The following FHOD3 variants were observed in gnomAD, a reference collection of about 807,000 sequenced individuals.
FHOD3 encodes formin homology 2 domain containing 3, also known as FH1/FH2 domain-containing protein 3.
In FHOD3, 90 loss-of-function variants were observed where a neutral mutation model predicts 173.0. The ratio of observed to expected loss-of-function variants is 0.52; its 90% CI spans 0.44 to 0.62. The LOEUF is 0.62. Ranked by LOEUF, FHOD3 falls within the 20% of genes least tolerant of loss-of-function variation. FHOD3 has a pLI of 0.00. For synonymous variants in FHOD3, 828 were observed against 823.0 expected (o/e 1.01, Z -0.10); for missense variants, 1,945 against 2,034.7 (o/e 0.96, Z 0.85).
At chr18:36,717,273 A>G (rs1181981677) in intron 18 of FHOD3, among the ~76,000 whole-genome samples, 1 of 152,070 alleles carries the variant, frequency 6.6e-6, no homozygotes, top group Admixed American at 6.6e-5. Context: ...CTTGGAGAGG[A>G]GTGGGTGAGA....
intron 10 of FHOD3, among the ~76,000 whole-genome samples, chr18:36,631,331 A>G (rs2034496868): frequency 2.0e-5 from 3 of 152,206 alleles, no homozygotes; most frequent in African/African-American, 7.2e-5. Flanking sequence ...TTCAGAACCC[A>G]GCTCTCCCAA....
At chr18:36,494,066 G>C (rs1214118685) in intron 3 of FHOD3, among the ~76,000 whole-genome samples, 1 of 152,138 alleles carries the variant, frequency 6.6e-6, no homozygotes, top group Admixed American at 6.5e-5. Context: ...TTCTTTCACT[G>C]ATGTAAATTG....
intron 3 of FHOD3, among the ~76,000 whole-genome samples, chr18:36,468,623 G>T (rs2053093918): frequency 6.6e-6 from 1 of 152,170 alleles, no homozygotes; most frequent in Non-Finnish European, 1.5e-5. Flanking sequence ...AGTGATCCTG[G>T]CTTTTACCTC....
intron 1 of FHOD3, among the ~76,000 whole-genome samples, chr18:36,308,808 A>T (rs917509416): frequency 3.9e-5 from 6 of 152,186 alleles, no homozygotes; most frequent in African/African-American, 1.4e-4. Flanking sequence ...AAATGGAAAA[A>T]GTGCAACATA....
intron 27 of FHOD3, among the ~76,000 whole-genome samples, chr18:36,763,366 A>G (rs1025646597): frequency 1.4e-5 from 2 of 143,538 alleles, no homozygotes; most frequent in Non-Finnish European, 3.0e-5. Flanking sequence ...CGTTATATAC[A>G]ATATGCGTAT....
At chr18:36,518,998 A>G (rs1317735086) in intron 5 of FHOD3, among the ~76,000 whole-genome samples, 1 of 152,164 alleles carries the variant, frequency 6.6e-6, no homozygotes, top group East Asian at 1.9e-4. Flanking sequence ...TGGGAGGGGA[A>G]GGGAGGCCAA....
chr18:36,583,687 C>T (rs1050981836), intron 6 of FHOD3, among the ~76,000 whole-genome samples: 3 of 152,204 alleles, frequency 2.0e-5, no homozygotes, highest in Admixed American at 6.5e-5. Context: ...GGAGAGCAGC[C>T]TACTGGTGGC....
At chr18:36,692,649 T>C (rs2039033186) in intron 16 of FHOD3, among the ~76,000 whole-genome samples, 1 of 152,222 alleles carries the variant, frequency 6.6e-6, no homozygotes, top group South Asian at 2.1e-4. Flanking sequence ...AGAAATATTT[T>C]AGAATATAAA....
chr18:36,462,510 T>C (rs1222679504), intron 3 of FHOD3, among the ~76,000 whole-genome samples: 1 of 152,122 alleles, frequency 6.6e-6, no homozygotes. Flanking sequence ...TTTTTGTGTT[T>C]TTAGTAGAGA....
At chr18:36,653,844 C>A (rs940996539) in intron 13 of FHOD3, among the ~76,000 whole-genome samples, 2 of 152,136 alleles carry the variant, frequency 1.3e-5, no homozygotes, top group East Asian at 3.9e-4. Flanking sequence ...GTTTTTGAGC[C>A]ACATCCTGTA....
intron 27 of FHOD3, among the ~76,000 whole-genome samples, chr18:36,761,869 G>T (rs924621534): frequency 1.3e-5 from 2 of 152,172 alleles, no homozygotes; most frequent in Non-Finnish European, 1.5e-5. Context: ...GAGTGTGAAA[G>T]GGGGTGCTAG....
chr18:36,657,526 C>T (rs1169505981), intron 13 of FHOD3, among the ~76,000 whole-genome samples: 1 of 152,212 alleles, frequency 6.6e-6, no homozygotes, highest in African/African-American at 2.4e-5. Context: ...ATACATGCAC[C>T]TCTAAGGAGC....
intron 26 of FHOD3, among the ~76,000 whole-genome samples, chr18:36,760,151 C>T (rs963618595): frequency 4.6e-5 from 7 of 152,184 alleles, no homozygotes; most frequent in African/African-American, 1.7e-4. Context: ...TGTAATTCTA[C>T]CATCGTAAGT....
At chr18:36,764,137 G>A (rs1306304350) in intron 27 of FHOD3, among the ~76,000 whole-genome samples, 1 of 152,148 alleles carries the variant, frequency 6.6e-6, no homozygotes, top group Non-Finnish European at 1.5e-5. Flanking sequence ...CTTGACCAGT[G>A]CTGTCTGTAA....
chr18:36,693,805 C>T (rs1429259503), intron 17 of FHOD3, among the ~76,000 whole-genome samples: 3 of 152,098 alleles, frequency 2.0e-5, no homozygotes, highest in Non-Finnish European at 4.4e-5. Flanking sequence ...AACTGTTAGT[C>T]TGGTTTAAAT....
intron 3 of FHOD3, among the ~76,000 whole-genome samples, chr18:36,484,072 C>T (rs2054068469): frequency 6.6e-6 from 1 of 152,190 alleles, no homozygotes. Flanking sequence ...GATTGCTGTG[C>T]ACATTCAAGT....
At chr18:36,670,737 A>G (rs1009892162) in intron 14 of FHOD3, among the ~76,000 whole-genome samples, 1 of 151,646 alleles carries the variant, frequency 6.6e-6, no homozygotes, top group Non-Finnish European at 1.5e-5. Context: ...GTCATTTCTT[A>G]TTGGATGTCA....
At chr18:36,558,945 T>G (rs533957778) in intron 5 of FHOD3, among the ~76,000 whole-genome samples, 1 of 152,206 alleles carries the variant, frequency 6.6e-6, no homozygotes, top group South Asian at 2.1e-4. Flanking sequence ...TTCAGACCCC[T>G]GTGCTCTGCT....
intron 20 of FHOD3, among the ~76,000 whole-genome samples, chr18:36,734,036 G>A (rs1234253073): frequency 6.6e-6 from 1 of 152,136 alleles, no homozygotes; most frequent in African/African-American, 2.4e-5. Context: ...TCTGAAAGGG[G>A]AGGGAGAGAC....
Sources: gnomAD v4.1 joint callset for allele counts (sites outside exome capture counted in the v4.1 genomes callset) on GRCh38, gnomAD v4.1.1 for gene constraint, MANE v1.5 for transcripts, NCBI Gene and HGNC (gene_info 2026-07-23, HGNC 2026-07-21) for gene names.